The following GSK3B variants were observed in gnomAD, a reference collection of about 807,000 sequenced individuals.
GSK3B encodes the protein glycogen synthase kinase-3 beta.
A neutral mutation model predicts 56.4 loss-of-function variants in GSK3B; 15 were observed. That is an observed-to-expected ratio of 0.27 (90% confidence interval 0.18 to 0.41). The LOEUF is 0.41. Ranked by LOEUF, GSK3B falls within the 10% of genes least tolerant of loss-of-function variation. The pLI, the probability that GSK3B is intolerant of heterozygous loss-of-function variation, is 1.00. For synonymous variants in GSK3B, 181 were observed against 188.9 expected (o/e 0.96, Z 0.34); for missense variants, 300 against 513.4 (o/e 0.58, Z 4.02).
At position 119,946,213 on chromosome 3, in the gene GSK3B, C is replaced by T. The variant is rs528278302; in HGVS notation, c.366+1055G>A. On this transcript the variant is annotated intron_variant, in intron 3 of 10. Transcript: ENST00000264235. ...ATTATATGACTGTAGGTATTTATAT[C>T]AAAATTCGGGCTTAATACATTGACA... Among the ~76,000 whole-genome samples, 17 of 151,840 alleles carry T rather than the reference C, an allele frequency of 1.1e-4. 1 individual carries two copies. The South Asian group carries it at 3.5e-3, about 32-fold the overall frequency.
At chr3:119,913,932 T>A (rs1490391822) in intron 5 of GSK3B, among the ~76,000 whole-genome samples, 2 of 152,138 alleles carry the variant, frequency 1.3e-5, no homozygotes, top group Non-Finnish European at 2.9e-5. Context: ...TTCAGCATAA[T>A]TGATAGGAGA....
intron 7 of GSK3B, among the ~76,000 whole-genome samples, chr3:119,901,756 T>C (rs1043135906): frequency 6.6e-6 from 1 of 152,108 alleles, no homozygotes; most frequent in Admixed American, 6.5e-5. Flanking sequence ...CCTCAGATAT[T>C]AAAACATAAG....
chr3:120,061,472 ACAT>A (rs930027973), intron 1 of GSK3B, among the ~76,000 whole-genome samples: 1 of 152,192 alleles, frequency 6.6e-6, no homozygotes, highest in African/African-American at 2.4e-5. Flanking sequence ...AAAATGTTCT[ACAT>A]CATCATCATT....
chr3:119,968,948 C>T (rs1314332417), intron 2 of GSK3B, among the ~76,000 whole-genome samples: 1 of 152,066 alleles, frequency 6.6e-6, no homozygotes, highest in East Asian at 1.9e-4. Context: ...ATAATAAGCA[C>T]CCGCAAAAAT....
chr3:120,092,286 G>C (rs1312478236), intron 1 of GSK3B, among the ~76,000 whole-genome samples: 1 of 152,050 alleles, frequency 6.6e-6, no homozygotes, highest in Non-Finnish European at 1.5e-5. Context: ...CCACAACCCT[G>C]AACACAGCCC....
chr3:119,922,200 GGGAAGGAGGGAAGGAAGGAA>G (rs2056847474), intron 4 of GSK3B, among the ~76,000 whole-genome samples: 3 of 111,032 alleles, frequency 2.7e-5, no homozygotes, highest in Non-Finnish European at 5.3e-5. Context: ...TAGGTAGGTA[GGGAAGGAGGGAAGGAAGGAA>G]GGAAGGAGGG....
chr3:119,896,427 AT>A (rs1553729706), intron 7 of GSK3B, among the ~76,000 whole-genome samples: 1 of 152,090 alleles, frequency 6.6e-6, no homozygotes, highest in Non-Finnish European at 1.5e-5. Flanking sequence ...TTAAAAAAAA[AT>A]ACATGTAAAA....
chr3:119,877,675 A>G (rs1409904601), intron 7 of GSK3B, among the ~76,000 whole-genome samples: 1 of 152,158 alleles, frequency 6.6e-6, no homozygotes, highest in Non-Finnish European at 1.5e-5. Flanking sequence ...GGAGGATACA[A>G]AGAACAAGAG....
At chr3:120,042,677 A>G (rs1011105275) in intron 1 of GSK3B, among the ~76,000 whole-genome samples, 2 of 152,234 alleles carry the variant, frequency 1.3e-5, no homozygotes, top group Admixed American at 1.3e-4. Context: ...CTAATAAAAA[A>G]TATTGACTCA....
chr3:119,938,696 T>C (rs983060476), intron 3 of GSK3B, among the ~76,000 whole-genome samples: 4 of 152,124 alleles, frequency 2.6e-5, no homozygotes, highest in Non-Finnish European at 5.9e-5. Context: ...TATTCAGCAA[T>C]GAATATCCCA....
In GSK3B at chr3:119,913,711, T is replaced by C. The variant is rs184780890; in HGVS notation, c.609-901A>G. On this transcript the variant is annotated intron_variant, in intron 5 of 10. Coordinates refer to ENST00000264235, the MANE Select transcript of GSK3B (RefSeq NM_001146156.2). Reference sequence around the variant, plus strand: ...AAACCAGGGTAAAGACAGATGAAAGTAGTCACAAGGATTTCAATGACTGGG... The same window carrying C: ...AAACCAGGGTAAAGACAGATGAAAGCAGTCACAAGGATTTCAATGACTGGG... Among the ~76,000 whole-genome samples the C allele has an allele frequency of 4.7e-3, 713 of 151,908 alleles. 1 individual carries two copies. The highest frequency in any genetic ancestry group is 6.2e-3 in the Non-Finnish European group (421 of 67,854).
intron 7 of GSK3B, among the ~76,000 whole-genome samples, chr3:119,895,140 C>A (rs141349459): frequency 6.6e-6 from 1 of 152,102 alleles, no homozygotes; most frequent in Non-Finnish European, 1.5e-5. Flanking sequence ...GGAATTCAAT[C>A]GTTTCAGAAT....
chr3:119,847,195 G>T (rs2055867074), intron 9 of GSK3B, among the ~76,000 whole-genome samples: 1 of 152,024 alleles, frequency 6.6e-6, no homozygotes, highest in South Asian at 2.1e-4. Flanking sequence ...GTAGATGATG[G>T]ATTGATGGGT....
chr3:119,837,099 G>A (rs1259804923), intron 10 of GSK3B, among the ~76,000 whole-genome samples: 1 of 152,164 alleles, frequency 6.6e-6, no homozygotes, highest in African/African-American at 2.4e-5. Context: ...TTTCATAGTA[G>A]AATCACTGAC....
intron 1 of GSK3B, among the ~76,000 whole-genome samples, chr3:120,026,627 G>A (rs1013919637): frequency 2.0e-5 from 3 of 148,174 alleles, no homozygotes; most frequent in African/African-American, 5.0e-5. Context: ...GGGCAATCTC[G>A]GCTCACTGCA....
At chr3:120,017,964 A>T (rs192626747) in intron 1 of GSK3B, among the ~76,000 whole-genome samples, 6 of 152,320 alleles carry the variant, frequency 3.9e-5, no homozygotes, top group Admixed American at 3.9e-4. Flanking sequence ...TCACCCTCTT[A>T]AAAGAGTGAA....
Position 119,954,306 on chromosome 3 carries a change from A to AT in GSK3B, c.283-6956_283-6955insA, listed in dbSNP as rs1401442465. Reference sequence around the variant, plus strand: ...ATAGAATAGAATAGAATAGAATAGAAAAGAAACAGAACAGAACAGAACAGC... The same window carrying AT: ...ATAGAATAGAATAGAATAGAATAGAATAAGAAACAGAACAGAACAGAACAGC... On this transcript the variant is annotated intron_variant, in intron 2 of 10. Coordinates refer to ENST00000264235, the MANE Select transcript of GSK3B (RefSeq NM_001146156.2). Among the ~76,000 whole-genome samples the AT allele has an allele frequency of 1.4e-3, 172 of 126,134 alleles. 2 individuals are homozygous for AT. Among genetic ancestry groups the AT allele is most frequent in the South Asian group, 6.9e-3 (30 of 4,332 alleles). The allele number at this position is 126,134 out of a possible 152,430, so 82.7% of individuals were successfully genotyped here.
rs2055477770 is a variant in GSK3B, at chr3:119,824,916, G to A, written c.*1872C>T. 1 of 180,948 alleles carries A rather than the reference G, an allele frequency of 5.5e-6. No homozygotes were observed. Among genetic ancestry groups the A allele is most frequent in the East Asian group, 9.1e-5 (1 of 10,992 alleles). 11.2% of individuals were successfully genotyped at this position (180,948 alleles called of 1,614,324 possible). On this transcript the variant is annotated 3_prime_UTR_variant, in exon 11 of 11. Coordinates refer to ENST00000264235, the MANE Select transcript of GSK3B (RefSeq NM_001146156.2). ...ACACACAGTTAAGGAGCAGGACAGG[G>A]TGCTAGGGCCTGCAGGAGGGCTGCC...
At chr3:119,890,621 T>C (rs1559824775) in intron 7 of GSK3B, among the ~76,000 whole-genome samples, 1 of 151,998 alleles carries the variant, frequency 6.6e-6, no homozygotes, top group Non-Finnish European at 1.5e-5. Flanking sequence ...GATAGAAATG[T>C]TCTAAATCTT....
Sources: allele counts gnomAD v4.1 joint callset (sites outside exome capture counted in the v4.1 genomes callset), GRCh38; gene constraint gnomAD v4.1.1; transcripts MANE v1.5; gene names NCBI Gene and HGNC (gene_info 2026-07-23, HGNC 2026-07-21).